The following CLXN variants were observed in gnomAD, a reference collection of about 807,000 sequenced individuals.
The protein encoded by CLXN is EF-hand calcium binding domain 1.
the CLXN span, among the ~76,000 whole-genome samples, chr8:48,727,781 C>G: frequency 6.6e-6 from 1 of 152,060 alleles, no homozygotes; most frequent in African/African-American, 2.4e-5. Flanking sequence ...ACAGTGGAAG[C>G]CAGAAAGCTA....
At chr8:48,730,266 A>G in the CLXN span, 3 of 343,764 alleles carry the variant, frequency 8.7e-6, no homozygotes, top group Non-Finnish European at 1.6e-5. Flanking sequence ...TAACATATAA[A>G]TGTATATGTA....
the CLXN span, among the ~76,000 whole-genome samples, chr8:48,714,684 G>A: frequency 1.3e-5 from 2 of 152,190 alleles, no homozygotes; most frequent in Non-Finnish European, 2.9e-5. Flanking sequence ...TATATTGCAG[G>A]GAAAGGGAGT....
At chr8:48,734,111 G>C in the CLXN span, among the ~76,000 whole-genome samples, 1 of 151,962 alleles carries the variant, frequency 6.6e-6, no homozygotes, top group Non-Finnish European at 1.5e-5. Flanking sequence ...TTTCTTACCA[G>C]GTATTAAATC....
chr8:48,727,331 C>T, the CLXN span, among the ~76,000 whole-genome samples: 5 of 152,166 alleles, frequency 3.3e-5, no homozygotes. Context: ...GACTAAGTTC[C>T]TGGCCTCAGT....
the CLXN span, chr8:48,729,642 T>C: frequency 7.5e-7 from 1 of 1,328,148 alleles, no homozygotes; most frequent in Non-Finnish European, 1.0e-6. Context: ...CTGAAAATTA[T>C]AATAATTTGA....
At chr8:48,731,537 C>T in the CLXN span, 1 of 1,533,712 alleles carries the variant, frequency 6.5e-7, no homozygotes, top group Non-Finnish European at 8.8e-7. Flanking sequence ...CAAAAATGAA[C>T]CCTTAATCTT....
chr8:48,723,723 G>GT, the CLXN span: 2 of 152,314 alleles, frequency 1.3e-5, no homozygotes, highest in Admixed American at 1.3e-4. Context: ...GTCTTCAGGA[G>GT]GTCACAGCCA....
the CLXN span, among the ~76,000 whole-genome samples, chr8:48,718,059 AAAGATCCAGCAATACGCTGTCTAC>A: frequency 6.6e-6 from 1 of 152,186 alleles, no homozygotes; most frequent in Non-Finnish European, 1.5e-5. Flanking sequence ...CAGATTTTAG[AAAGATCCAGCAATACGCTGTCTAC>A]AAGAGACTTG....
chr8:48,715,092 G>T, the CLXN span: 471 of 152,170 alleles, frequency 3.1e-3, 2 homozygotes, highest in African/African-American at 0.01. Flanking sequence ...TATTCTCTTT[G>T]CAAAAATGTA....
At chr8:48,713,236 C>G in the CLXN span, among the ~76,000 whole-genome samples, 3 of 152,138 alleles carry the variant, frequency 2.0e-5, no homozygotes, top group African/African-American at 7.2e-5. Context: ...ACCAAACCAT[C>G]CTCACAACTT....
the CLXN span, chr8:48,724,709 T>G: frequency 7.8e-6 from 12 of 1,544,940 alleles, no homozygotes; most frequent in Non-Finnish European, 1.1e-5. Flanking sequence ...CCTCCTTTTT[T>G]ACTCACTTGA....
chr8:48,719,179 G>A, the CLXN span, among the ~76,000 whole-genome samples: 1 of 151,986 alleles, frequency 6.6e-6, no homozygotes, highest in South Asian at 2.1e-4. Context: ...AGAAGAAATG[G>A]ATAAATTCCT....
chr8:48,716,345 C>A, the CLXN span: 1 of 152,360 alleles, frequency 6.6e-6, no homozygotes, highest in East Asian at 1.9e-4. Context: ...ACGTGCAGCC[C>A]CGGTTCCAGC....
chr8:48,726,881 C>T, the CLXN span, among the ~76,000 whole-genome samples: 1 of 147,206 alleles, frequency 6.8e-6, no homozygotes, highest in Non-Finnish European at 1.5e-5. Context: ...ATCTATCTAT[C>T]TATCTATCTA....
the CLXN span, among the ~76,000 whole-genome samples, chr8:48,713,054 T>C: frequency 3.0e-4 from 45 of 151,730 alleles, no homozygotes; most frequent in African/African-American, 1.1e-3. Context: ...GAGATATATC[T>C]GTGAGAAGTG....
the CLXN span, chr8:48,724,745 C>T: frequency 3.0e-5 from 48 of 1,609,428 alleles, no homozygotes; most frequent in Non-Finnish European, 4.0e-5. Flanking sequence ...TAGTTATTCA[C>T]ATATCATTGA....
the CLXN span, among the ~76,000 whole-genome samples, chr8:48,721,201 C>G: frequency 6.6e-6 from 1 of 152,060 alleles, no homozygotes; most frequent in Non-Finnish European, 1.5e-5. Flanking sequence ...ATAAAAAACT[C>G]ATTCCTAATA....
At chr8:48,733,794 T>C in the CLXN span, among the ~76,000 whole-genome samples, 33 of 152,174 alleles carry the variant, frequency 2.2e-4, 1 homozygote, top group Admixed American at 2.2e-3. Context: ...CTGCAATGCA[T>C]TCAAACTTAC....
the CLXN span, chr8:48,711,558 G>T: frequency 6.6e-6 from 1 of 152,400 alleles, no homozygotes; most frequent in East Asian, 1.9e-4. Context: ...TCCCACTAAA[G>T]AAAGCAAATC....
Sources: allele counts gnomAD v4.1 joint callset (sites outside exome capture counted in the v4.1 genomes callset), GRCh38; gene constraint gnomAD v4.1.1; transcripts MANE v1.5; gene names NCBI Gene and HGNC (gene_info 2026-07-23, HGNC 2026-07-21).